Variants in CAMK1D observed in about 807,000 individuals in gnomAD.
The protein encoded by CAMK1D is calcium/calmodulin-dependent protein kinase type 1D.
In CAMK1D, 9 loss-of-function variants were observed where a neutral mutation model predicts 47.7. The observed-to-expected ratio is 0.19, with a 90% CI of 0.11 to 0.33. The LOEUF (loss-of-function observed/expected upper bound fraction) is 0.33. Among genes scored for constraint, CAMK1D ranks in the 10% least tolerant of loss-of-function variants. The pLI, the probability that CAMK1D is intolerant of heterozygous loss-of-function variation, is 1.00. For synonymous variants in CAMK1D, 184 were observed against 184.9 expected (o/e 0.99, Z 0.04); for missense variants, 291 against 488.7 (o/e 0.60, Z 3.81).
At chr10:12,488,586 A>G (rs1270229676) in intron 1 of CAMK1D, among the ~76,000 whole-genome samples, 1 of 152,152 alleles carries the variant, frequency 6.6e-6, no homozygotes, top group Non-Finnish European at 1.5e-5. Flanking sequence ...TACTTCTGTT[A>G]TTATTACATT....
At chr10:12,820,786 G>A (rs1474273458) in intron 8 of CAMK1D, among the ~76,000 whole-genome samples, 5 of 152,148 alleles carry the variant, frequency 3.3e-5, no homozygotes, top group East Asian at 1.9e-4. Flanking sequence ...GATGGCTCCC[G>A]CCCCTTTCAC....
chr10:12,565,903 T>C (rs1392592057), intron 2 of CAMK1D, among the ~76,000 whole-genome samples: 1 of 151,852 alleles, frequency 6.6e-6, no homozygotes, highest in Non-Finnish European at 1.5e-5. Context: ...TAGCCCACTC[T>C]AGGTAGGAGG....
At chr10:12,547,659 C>A (rs1385760892) in intron 1 of CAMK1D, among the ~76,000 whole-genome samples, 1 of 82,210 alleles carries the variant, frequency 1.2e-5, no homozygotes, top group South Asian at 4.9e-4. Flanking sequence ...CAACCCTGCA[C>A]TCTCTCTCTC....
chr10:12,504,250 A>ACACT lies in CAMK1D; in HGVS notation c.93-48975_93-48974insCACT, dbSNP rs1163116499. On this transcript the variant is annotated intron_variant, in intron 1 of 10. Coordinates refer to ENST00000619168, the MANE Select transcript of CAMK1D (RefSeq NM_153498.4). ...TACACACACACACACACACACACACATCTAGGAGCTGGAGACCCAGGAAAG... is the reference window on the plus strand; with the variant it reads ...TACACACACACACACACACACACACACACTTCTAGGAGCTGGAGACCCAGGAAAG... Among the ~76,000 whole-genome samples, 3 of 151,496 alleles carry ACACT rather than the reference A, an allele frequency of 2.0e-5. No homozygotes were observed. The East Asian group carries it at 5.8e-4, about 29-fold the overall frequency.
intron 1 of CAMK1D, among the ~76,000 whole-genome samples, chr10:12,505,324 A>C (rs1389855279): frequency 6.6e-6 from 1 of 152,204 alleles, no homozygotes; most frequent in Non-Finnish European, 1.5e-5. Flanking sequence ...TTTTCTCTCA[A>C]GGATGCCAAG....
At chr10:12,361,540 T>C (rs1477098973) in intron 1 of CAMK1D, among the ~76,000 whole-genome samples, 14 of 124,302 alleles carry the variant, frequency 1.1e-4, no homozygotes, top group African/African-American at 3.9e-4. Flanking sequence ...CCACTGTGCC[T>C]GGCCCTTTTT....
intron 2 of CAMK1D, among the ~76,000 whole-genome samples, chr10:12,569,603 C>A (rs551035718): frequency 6.6e-5 from 10 of 150,990 alleles, no homozygotes; most frequent in African/African-American, 2.2e-4. Context: ...CCTGTAGTCC[C>A]AGCTACTCGG....
At chr10:12,390,183 A>G (rs1353743989) in intron 1 of CAMK1D, among the ~76,000 whole-genome samples, 1 of 152,020 alleles carries the variant, frequency 6.6e-6, no homozygotes, top group African/African-American at 2.4e-5. Flanking sequence ...TTCATACTGC[A>G]TTTGCTAGTG....
intron 1 of CAMK1D, among the ~76,000 whole-genome samples, chr10:12,522,454 C>G (rs1360046275): frequency 6.8e-6 from 1 of 147,520 alleles, no homozygotes; most frequent in African/African-American, 2.5e-5. Flanking sequence ...CTTGCACCGC[C>G]CTTAATCCAT....
intron 4 of CAMK1D, among the ~76,000 whole-genome samples, chr10:12,761,400 C>G (rs1038359784): frequency 6.6e-6 from 1 of 152,150 alleles, no homozygotes; most frequent in Admixed American, 6.5e-5. Flanking sequence ...GCTCAAGACA[C>G]GTAGGCTACA....
chr10:12,615,574 T>C (rs1203249206), intron 2 of CAMK1D, among the ~76,000 whole-genome samples: 2 of 35,632 alleles, frequency 5.6e-5, no homozygotes, highest in African/African-American at 8.3e-5. Flanking sequence ...ATCGTGTGTG[T>C]GCGTGTGTGT....
chr10:12,828,264 G>A (rs1427288091), intron 10 of CAMK1D, among the ~76,000 whole-genome samples: 1 of 152,156 alleles, frequency 6.6e-6, no homozygotes, highest in African/African-American at 2.4e-5. Flanking sequence ...AAAAGGAGAG[G>A]AGAGGTCTAA....
intron 2 of CAMK1D, among the ~76,000 whole-genome samples, chr10:12,635,411 G>A (rs1839487337): frequency 6.6e-6 from 1 of 152,182 alleles, no homozygotes; most frequent in Non-Finnish European, 1.5e-5. Context: ...GTCACCGATG[G>A]GAATAGGTTA....
chr10:12,529,142 ATCT>A (rs1477921512), intron 1 of CAMK1D, among the ~76,000 whole-genome samples: 1 of 152,234 alleles, frequency 6.6e-6, no homozygotes, highest in East Asian at 1.9e-4. Context: ...TTGCTCTCTC[ATCT>A]TCACCCTCAT....
chr10:12,522,218 T>A (rs1460588113), intron 1 of CAMK1D, among the ~76,000 whole-genome samples: 2 of 137,920 alleles, frequency 1.5e-5, no homozygotes, highest in Non-Finnish European at 3.2e-5. Context: ...TTTTTTTTTA[T>A]TGATCATTCT....
intron 1 of CAMK1D, among the ~76,000 whole-genome samples, chr10:12,395,487 G>A (rs1306335062): frequency 6.6e-6 from 1 of 152,064 alleles, no homozygotes; most frequent in East Asian, 1.9e-4. Flanking sequence ...TGTATGCCAG[G>A]AAACTTTAAG....
At chr10:12,587,040 C>T (rs1465382873) in intron 2 of CAMK1D, among the ~76,000 whole-genome samples, 2 of 152,112 alleles carry the variant, frequency 1.3e-5, no homozygotes, top group South Asian at 2.1e-4. Context: ...ACCTCTCACT[C>T]GGGGCATCTT....
chr10:12,568,219 C>T (rs937238841), intron 2 of CAMK1D, among the ~76,000 whole-genome samples: 13 of 90,862 alleles, frequency 1.4e-4, no homozygotes, highest in Non-Finnish European at 2.9e-4. Flanking sequence ...CCTTCCCTTC[C>T]TGCCCCTCCC....
Position 12,751,071 on chromosome 10 carries a change from GATAAGATAAGATAAGAT to G in CAMK1D, c.300-9875_300-9859del, listed in dbSNP as rs1564535349. Among the ~76,000 whole-genome samples, 11 of 25,136 alleles carry G rather than the reference GATAAGATAAGATAAGAT, an allele frequency of 4.4e-4. 1 individual carries two copies. Among genetic ancestry groups the G allele is most frequent in the African/African-American group, 2.0e-3 (11 of 5,612 alleles). The allele number at this position is 25,136 out of a possible 152,430, so 16.5% of individuals were successfully genotyped here. A position where few individuals can be genotyped will look rare whatever the true frequency, so the allele number is the denominator to read the frequency against. ...CCCCCAATAAGATAAGATAAGATAAGATAAGATAAGATAAGATAAGATAAGATAAGATAAGATAAGAT... is the reference window on the plus strand; with the variant it reads ...CCCCCAATAAGATAAGATAAGATAAGAAGATAAGATAAGATAAGATAAGAT... On this transcript the variant is annotated intron_variant, in intron 3 of 10. Transcript: ENST00000619168.
Sources: gnomAD v4.1 joint callset for allele counts (sites outside exome capture counted in the v4.1 genomes callset) on GRCh38, gnomAD v4.1.1 for gene constraint, MANE v1.5 for transcripts, NCBI Gene and HGNC (gene_info 2026-07-23, HGNC 2026-07-21) for gene names.